Variants in B4GALT5 observed in about 807,000 individuals in gnomAD.
The protein encoded by B4GALT5 is UDP-Gal:beta-GlcNAc beta-1,4-galactosyltransferase 5.
A neutral mutation model predicts 45.0 loss-of-function variants in B4GALT5; 11 were observed. The observed-to-expected ratio is 0.24, with a 90% CI of 0.15 to 0.40. B4GALT5 has a LOEUF of 0.40. Among genes scored for constraint, B4GALT5 ranks in the 10% least tolerant of loss-of-function variants. The pLI is 1.00. For missense variants in B4GALT5, 337 were observed against 500.2 expected, an observed-to-expected ratio of 0.67 and a Z score of 3.11; for synonymous variants, 185 against 182.9, an observed-to-expected ratio of 1.01 and a Z score of -0.09.
Position 49,696,714 on chromosome 20 carries a change from TG to T in B4GALT5, c.115+16861del, listed in dbSNP as rs1004300629. 8.5e-5 allele frequency among the ~76,000 whole-genome samples: 13 copies of T among 152,368 alleles called. No homozygotes were observed. In the South Asian group the frequency reaches 1.0e-3, roughly 12 times the overall value. ...AGGACACAAGTGAAAACACTTGTGA[TG>T]AAAGGGTTATGAATAAATTACTGCA... On this transcript the variant is annotated intron_variant, in intron 1 of 8. Coordinates refer to ENST00000371711, the MANE Select transcript of B4GALT5 (RefSeq NM_004776.4).
At chr20:49,641,033 T>C (rs191687735) in intron 5 of B4GALT5, among the ~76,000 whole-genome samples, 42 of 152,264 alleles carry the variant, frequency 2.8e-4, no homozygotes, top group African/African-American at 1.0e-3. Context: ...GAGAATAGCT[T>C]GAACCCGGGA....
chr20:49,688,680 T>C (rs1288529617), intron 1 of B4GALT5, among the ~76,000 whole-genome samples: 1 of 152,170 alleles, frequency 6.6e-6, no homozygotes, highest in East Asian at 1.9e-4. Context: ...GGCTCACGCC[T>C]GTAATCCCAA....
At chr20:49,637,223 G>C in intron 8 of B4GALT5, 118 bp downstream of exon 8, 1 of 834,894 alleles carries the variant, frequency 1.2e-6, no homozygotes, top group Non-Finnish European at 2.0e-6. Context: ...CTGTCAAACA[G>C]CTGTCAGAAC....
intron 1 of B4GALT5, among the ~76,000 whole-genome samples, chr20:49,669,539 A>G (rs558585811): frequency 2.0e-5 from 3 of 152,160 alleles, no homozygotes; most frequent in African/African-American, 7.2e-5. Flanking sequence ...TCTACTAAAA[A>G]TACAAAATCA....
chr20:49,662,559 T>C (rs1376502441), intron 1 of B4GALT5, among the ~76,000 whole-genome samples: 1 of 152,166 alleles, frequency 6.6e-6, no homozygotes, highest in East Asian at 1.9e-4. Flanking sequence ...TGGAGATGGA[T>C]TTCAAGCCCT....
intron 1 of B4GALT5, among the ~76,000 whole-genome samples, chr20:49,695,670 G>C (rs1788829473): frequency 6.6e-6 from 1 of 152,190 alleles, no homozygotes; most frequent in African/African-American, 2.4e-5. Context: ...CAAAGTGCTA[G>C]GATTACAGGT....
intron 1 of B4GALT5, among the ~76,000 whole-genome samples, chr20:49,698,158 G>C (rs2032727222): frequency 6.6e-6 from 1 of 151,826 alleles, no homozygotes; most frequent in Non-Finnish European, 1.5e-5. Flanking sequence ...CCCATCTCTA[G>C]TAAAAACTAC....
intron 2 of B4GALT5, among the ~76,000 whole-genome samples, chr20:49,652,826 T>A (rs578161320): frequency 6.6e-6 from 1 of 152,178 alleles, no homozygotes. Flanking sequence ...GATGCCTGAA[T>A]GTGGGTATGT....
chr20:49,642,333 C>T (rs1722194356), intron 5 of B4GALT5, 135 bp downstream of exon 5: 2 of 688,078 alleles, frequency 2.9e-6, no homozygotes, highest in Non-Finnish European at 5.0e-6. Context: ...TCTCTGCTCC[C>T]CCTTCAAACC....
intron 1 of B4GALT5, among the ~76,000 whole-genome samples, chr20:49,687,885 A>G (rs938767655): frequency 6.6e-6 from 1 of 152,052 alleles, no homozygotes; most frequent in Non-Finnish European, 1.5e-5. Context: ...AAATTAAAAA[A>G]AAAAAAATTT....
At chr20:49,651,180 G>A (rs1350558820) in intron 2 of B4GALT5, among the ~76,000 whole-genome samples, 1 of 152,064 alleles carries the variant, frequency 6.6e-6, no homozygotes, top group African/African-American at 2.4e-5. Flanking sequence ...CGGCTACTCA[G>A]GAGGCTGAGG....
At chr20:49,675,389 T>C (rs1236174171) in intron 1 of B4GALT5, among the ~76,000 whole-genome samples, 1 of 152,194 alleles carries the variant, frequency 6.6e-6, no homozygotes, top group Non-Finnish European at 1.5e-5. Flanking sequence ...GGATTTACAC[T>C]TTACTTTTAA....
intron 3 of B4GALT5, among the ~76,000 whole-genome samples, chr20:49,645,765 T>C (rs994449351): frequency 6.6e-6 from 1 of 151,852 alleles, no homozygotes; most frequent in Non-Finnish European, 1.5e-5. Flanking sequence ...TAAAAAAGTA[T>C]AGCACATACA....
At position 49,713,794 on chromosome 20, in the gene B4GALT5, CGCCTCCCGG is replaced by C. The variant is rs991519153; in HGVS notation, c.-113_-105del. ...CCGCCACCGCCTGGGCCTCGGCCAC[CGCCTCCCGG>C]GCCTCGCGGGCCGCCACTCGCCGCC... is the stretch of plus-strand genomic sequence containing the variant. On this transcript the variant is annotated 5_prime_UTR_variant, in exon 1 of 9. Transcript: ENST00000371711. 3.1e-5 allele frequency: 6 copies of C among 195,766 alleles called. No individual in the cohort carries two copies. The highest frequency in any genetic ancestry group is 4.7e-5 in the Non-Finnish European group (5 of 107,176). 12.1% of individuals were successfully genotyped at this position (195,766 alleles called of 1,614,324 possible). A position where few individuals can be genotyped will look rare whatever the true frequency, so the allele number is the denominator to read the frequency against.
At chr20:49,654,559 A>G (rs898273470) in intron 2 of B4GALT5, among the ~76,000 whole-genome samples, 12 of 152,228 alleles carry the variant, frequency 7.9e-5, no homozygotes, top group African/African-American at 2.9e-4. Flanking sequence ...ACGGCAAAGG[A>G]AACTGATAAA....
intron 1 of B4GALT5, among the ~76,000 whole-genome samples, chr20:49,691,666 T>C (rs550400816): frequency 7.9e-5 from 12 of 152,304 alleles, no homozygotes; most frequent in Non-Finnish European, 1.5e-4. Flanking sequence ...TCTGTACATA[T>C]AATGTAAGCT....
chr20:49,708,996 C>CT (rs2085896588), intron 1 of B4GALT5, among the ~76,000 whole-genome samples: 1 of 151,974 alleles, frequency 6.6e-6, no homozygotes, highest in Non-Finnish European at 1.5e-5. Flanking sequence ...AGGCACCTCT[C>CT]TTGAAACCGA....
chr20:49,643,695 AG>A (rs774875274), intron 3 of B4GALT5, 45 bp from the exon 4 acceptor site: 1 of 1,587,512 alleles, frequency 6.3e-7, no homozygotes, highest in Non-Finnish European at 8.6e-7. Context: ...AGAAAATGAT[AG>A]GTTTCCCTAT....
chr20:49,663,686 A>G (rs60527362), intron 1 of B4GALT5, among the ~76,000 whole-genome samples: 1,247 of 7,448 alleles, frequency 0.17, 174 homozygotes, highest in South Asian at 0.28. Context: ...AAAAAAAAAA[A>G]AAAAATATAT....
Sources: gnomAD v4.1 joint callset for allele counts (sites outside exome capture counted in the v4.1 genomes callset) on GRCh38, gnomAD v4.1.1 for gene constraint, MANE v1.5 for transcripts, NCBI Gene and HGNC (gene_info 2026-07-23, HGNC 2026-07-21) for gene names.